Variants in MGAM observed in about 807,000 individuals in gnomAD.
MGAM encodes the protein alpha-1,4-glucosidase.
Under a neutral mutation model 358.8 loss-of-function variants are expected in MGAM, and 253 were observed. The observed-to-expected ratio is 0.71, with a 90% CI of 0.64 to 0.78. MGAM has a LOEUF of 0.78. Among genes scored for constraint, MGAM ranks in the 30% least tolerant of loss-of-function variants. The probability of loss-of-function intolerance (pLI) is 0.00; values close to 1 mark genes in which losing one functional copy is unlikely to be tolerated. For missense variants in MGAM, 3,080 were observed against 3,432.6 expected, an observed-to-expected ratio of 0.90 and a Z score of 2.57; for synonymous variants, 1,105 against 1,227.1, an observed-to-expected ratio of 0.90 and a Z score of 2.08.
rs780553167 is a variant in MGAM, at chr7:142,078,972, T to A, written c.5811T>A (p.Asp1937Glu). 16 of 1,555,922 alleles carry A rather than the reference T, an allele frequency of 1.0e-5. 2 individuals carry two copies. The highest frequency in any genetic ancestry group is 1.4e-5 in the Non-Finnish European group (16 of 1,132,280). The change falls in exon 49 of 71, where the codon GAT (aspartate) becomes GAA (glutamate). Residue 1937 changes from aspartate (D) to glutamate (E), a missense_variant. Asp to Glu is a conservative substitution (Grantham distance 45). This residue lies in a region of MGAM where 932 missense variants were observed against 1,198.2 expected (regional missense o/e 0.78). Transcript: ENST00000475668. The part of the protein sequence containing the change: ...PSTPVNPLRL[D>E]VTYHKNEMLQ... ...CACCCGTGAACCCCCTTCGCCTGGATGTCACTTACCATAAGAATGAAATGC... is the reference window on the plus strand; with the variant it reads ...CACCCGTGAACCCCCTTCGCCTGGAAGTCACTTACCATAAGAATGAAATGC...
chr7:142,031,565 G>T (rs1025495427), intron 12 of MGAM, 115 bp from the exon 13 acceptor site: 2 of 662,116 alleles, frequency 3.0e-6, no homozygotes, highest in Non-Finnish European at 5.2e-6. Flanking sequence ...AAAAGGATAT[G>T]TTCCTGGGTA....
intron 2 of MGAM, among the ~76,000 whole-genome samples, chr7:141,987,918 C>G (rs373179898): frequency 2.0e-5 from 3 of 152,286 alleles, no homozygotes; most frequent in African/African-American, 7.2e-5. Flanking sequence ...GTTTCTGTTT[C>G]CTCATTTATA....
In MGAM at chr7:142,085,898, T is replaced by C. The variant is rs746081324; in HGVS notation, c.6573T>C (p.Phe2191=). The C allele has an allele frequency of 1.9e-6, 3 of 1,566,290 alleles. 1 individual carries two copies. In the East Asian group the frequency reaches 6.8e-5, roughly 36 times the overall value. The change falls in exon 55 of 71, where the codon TTT becomes TTC. Residue 2191 remains phenylalanine (F), a synonymous_variant. Coordinates refer to ENST00000475668, the MANE Select transcript of MGAM (RefSeq NM_001365693.1). ...RQLDFTLSPK[F]AGFPALINRM... ...TGGACTTCACCCTCAGCCCCAAGTT[T>C]GCCGGGTTTCCAGCTCTGATCAATC... is the stretch of plus-strand genomic sequence containing the variant.
chr7:142,011,002 C>G (rs1050161636), intron 3 of MGAM, among the ~76,000 whole-genome samples: 2 of 152,158 alleles, frequency 1.3e-5, no homozygotes, highest in Non-Finnish European at 2.9e-5. Flanking sequence ...ATAGTTAATA[C>G]TTTTAAATCC....
At chr7:142,055,954 CATA>C (rs1811480521) in intron 28 of MGAM, 43 bp from the exon 29 acceptor site, 1 of 1,551,502 alleles carries the variant, frequency 6.4e-7, no homozygotes, top group Admixed American at 1.8e-5. Flanking sequence ...CTTTCTCAGG[CATA>C]ATGTCTTTTA....
upstream of MGAM, among the ~76,000 whole-genome samples, chr7:141,993,863 A>G (rs1804048107): frequency 6.6e-6 from 1 of 152,210 alleles, no homozygotes; most frequent in Admixed American, 6.5e-5. Context: ...TATTGTTAGT[A>G]TGTCATTAAA....
chr7:142,085,548 AG>A lies in MGAM; in HGVS notation c.6508-284del, dbSNP rs1714048632. Among the ~76,000 whole-genome samples, 4 of 146,160 alleles carry A rather than the reference AG, an allele frequency of 2.7e-5. No homozygotes were observed. The Admixed American group carries it at 2.8e-4, about 10-fold the overall frequency. On this transcript the variant is annotated intron_variant, in intron 54 of 70. Transcript: ENST00000475668. ...CACTCCTGATAGTGGCAGTTTACAA[AG>A]CACTGTCCATTCCAGTGTTCGTATT...
chr7:142,004,393 C>A (rs1768687918), intron 1 of MGAM: 1 of 151,962 alleles, frequency 6.6e-6, no homozygotes, highest in Admixed American at 6.6e-5. Flanking sequence ...TTTTTAGCAA[C>A]ATGGATAGAC....
At position 142,054,738 on chromosome 7, in the gene MGAM, A is replaced by T. The variant is rs1811323990; in HGVS notation, c.3160-16A>T. On this transcript the variant is annotated splice_polypyrimidine_tract_variant and intron_variant, in intron 26 of 70. Coordinates refer to ENST00000475668, the MANE Select transcript of MGAM (RefSeq NM_001365693.1). The stretch of plus-strand genomic sequence containing the variant: ...AGAGTAGTATTGTTGCCTAAAATTG[A>T]TTTCCTCTGGCCTAGATTTATGATC... 6.2e-7 allele frequency: 1 copy of T among 1,613,172 alleles called. No individual in the cohort carries two copies. Among genetic ancestry groups the T allele is most frequent in the South Asian group, 1.1e-5 (1 of 90,948 alleles).
chr7:142,021,725 A>AAATC lies in MGAM; in HGVS notation c.698_699insAATC (p.Asn233LysfsTer8). 1 of 1,613,942 alleles carries AAATC rather than the reference A, an allele frequency of 6.2e-7. No homozygotes were observed. Among genetic ancestry groups the AAATC allele is most frequent in the Non-Finnish European group, 8.5e-7 (1 of 1,179,808 alleles). On this transcript the variant is annotated frameshift_variant, in exon 6 of 71. Coordinates refer to ENST00000475668, the MANE Select transcript of MGAM (RefSeq NM_001365693.1). LOFTEE classifies it high-confidence loss of function. ...AGCATCAAAGTGACCAGAAGAAGCA[A>AAATC]CAATCGTGTTTTGTAAGTTTTGGAA...
At chr7:142,060,946 G>A (rs1446990045) in intron 34 of MGAM, among the ~76,000 whole-genome samples, 1 of 149,886 alleles carries the variant, frequency 6.7e-6, no homozygotes, top group Admixed American at 6.6e-5. Flanking sequence ...TGTAAAACTT[G>A]CTCTCTCCTG....
At chr7:142,076,441 A>G in intron 46 of MGAM, 189 bp downstream of exon 46, 1 of 863,032 alleles carries the variant, frequency 1.2e-6, no homozygotes. Context: ...TAGTGTTTCT[A>G]AATATAGTTT....
In MGAM at chr7:142,087,160, T is replaced by C. The variant is rs1352462052; in HGVS notation, c.6810+443T>C. Among the ~76,000 whole-genome samples, 3 of 144,714 alleles carry C rather than the reference T, an allele frequency of 2.1e-5. 1 individual carries two copies. The allele number at this position is 144,714 out of a possible 152,430, so 94.9% of individuals were successfully genotyped here. A position where few individuals can be genotyped will look rare whatever the true frequency, so the allele number is the denominator to read the frequency against. On this transcript the variant is annotated intron_variant, in intron 57 of 70. Coordinates refer to ENST00000475668, the MANE Select transcript of MGAM (RefSeq NM_001365693.1). ...ACTGTTTAGGTCTTTTTTTGGTGTA[T>C]CTTTTTTTTTTCCATGAACACGTTT... is the stretch of plus-strand genomic sequence containing the variant.
In MGAM at chr7:142,078,783, C is replaced by G; in HGVS notation, c.5647-25C>G. 1.3e-6 allele frequency: 2 copies of G among 1,533,116 alleles called. 1 individual carries two copies. The highest frequency in any genetic ancestry group is 1.8e-6 in the Non-Finnish European group (2 of 1,112,204). The allele number at this position is 1,533,116 out of a possible 1,614,324, so 95.0% of individuals were successfully genotyped here. A position where few individuals can be genotyped will look rare whatever the true frequency, so the allele number is the denominator to read the frequency against. ...CTTTAAGACCACATGCTGTGCTGAT[C>G]TATGACTTTGGCCTTACTTTTCAGG... On this transcript the variant is annotated intron_variant, in intron 48 of 70. Coordinates refer to ENST00000475668, the MANE Select transcript of MGAM (RefSeq NM_001365693.1).
Position 142,056,956 on chromosome 7 carries a change from C to T in MGAM, c.3693+14C>T, listed in dbSNP as rs1811611972. 1.9e-6 allele frequency: 3 copies of T among 1,612,012 alleles called. No homozygotes were observed. The highest frequency in any genetic ancestry group is 2.5e-6 in the Non-Finnish European group (3 of 1,178,558). On this transcript the variant is annotated intron_variant, in intron 30 of 70. Coordinates refer to ENST00000475668, the MANE Select transcript of MGAM (RefSeq NM_001365693.1). ...CAGTACACTGAGGTAGGGGGAAATC[C>T]AATTGTTTATCAAGTACTTACACAG...
chr7:142,079,051 A>G, intron 49 of MGAM, 43 bp downstream of exon 49: 1 of 1,456,746 alleles, frequency 6.9e-7, no homozygotes, highest in East Asian at 2.3e-5. Flanking sequence ...GACCCTTTTC[A>G]GTTCCATTAT....
chr7:142,059,819 C>A (rs748548117), intron 32 of MGAM, 37 bp from the exon 33 acceptor site: 3 of 1,586,734 alleles, frequency 1.9e-6, no homozygotes, highest in Non-Finnish European at 2.6e-6. Flanking sequence ...CATTCTCTGG[C>A]TTTGGTTTTC....
rs1457466871 is a variant in MGAM, at chr7:142,055,651, A to G, written c.3408A>G (p.Glu1136=). The part of the protein sequence containing the change: ...LPSKYLYGFG[E]TEHRSYRRDL... ...CCAAGTACCTCTATGGCTTTGGGGA[A>G]ACTGAGCACAGGTCCTATAGGAGAG... Residue 1136 remains glutamate (E), a synonymous_variant, in exon 28 of 71, where the codon GAA becomes GAG. Coordinates refer to ENST00000475668, the MANE Select transcript of MGAM (RefSeq NM_001365693.1). 3 of 1,613,890 alleles carry G rather than the reference A, an allele frequency of 1.9e-6. No individual in the cohort carries two copies. The East Asian group carries it at 6.7e-5, about 36-fold the overall frequency.
chr7:141,994,381 T>A (rs1194193599), upstream of MGAM, among the ~76,000 whole-genome samples: 2 of 152,088 alleles, frequency 1.3e-5, no homozygotes, highest in East Asian at 1.9e-4. Flanking sequence ...TTGTAAAGGG[T>A]ACTTTGGTGG....
Sources: gnomAD v4.1 joint callset for allele counts (sites outside exome capture counted in the v4.1 genomes callset) on GRCh38, gnomAD v4.1.1 for gene constraint, gnomAD v4.1.1 regional missense constraint, MANE v1.5 for transcripts, NCBI Gene and HGNC (gene_info 2026-07-23, HGNC 2026-07-21) for gene names.